SREBF2: variants seen among roughly 807,000 people sequenced by gnomAD.
The protein encoded by SREBF2 is sterol regulatory element binding transcription factor 2, also known as sterol regulatory element-binding protein 2.
SREBF2 carries 55 observed loss-of-function variants against 113.1 expected under a neutral mutation model. The observed-to-expected ratio is 0.49, with a 90% confidence interval of 0.39 to 0.61. The LOEUF is 0.61. SREBF2 is among the 20% of genes least tolerant of loss of function. The pLI is 0.00. For missense variants in SREBF2, 1,349 were observed against 1,487.4 expected, an observed-to-expected ratio of 0.91 and a Z score of 1.53; for synonymous variants, 593 against 605.7, an observed-to-expected ratio of 0.98 and a Z score of 0.31.
rs1266996487 is a variant in SREBF2 at position 41,906,813 on chromosome 22, T to C, written c.*1153T>C. On this transcript the variant is annotated 3_prime_UTR_variant, in exon 19 of 19. Transcript: ENST00000361204. The stretch of plus-strand genomic sequence containing the variant: ...TTTTCAGAGTGGGCAGAGGGTTGCC[T>C]ATGGTGGGCACTAGGAATGAGGTCC... 4 of 152,278 alleles carry C rather than the reference T, an allele frequency of 2.6e-5. No homozygotes were observed. Among genetic ancestry groups the C allele is most frequent in the East Asian group, 1.9e-4 (1 of 5,180 alleles). 9.4% of individuals were successfully genotyped at this position (152,278 alleles called of 1,614,324 possible). A position where few individuals can be genotyped will look rare whatever the true frequency, so the allele number is the denominator to read the frequency against.
chr22:41,880,157 T>G (rs1464699407), intron 9 of SREBF2, among the ~76,000 whole-genome samples: 1 of 152,224 alleles, frequency 6.6e-6, no homozygotes, highest in Non-Finnish European at 1.5e-5. Flanking sequence ...AACAAGCTCC[T>G]AAGAGCTGAT....
intron 3 of SREBF2, among the ~76,000 whole-genome samples, chr22:41,870,234 A>T (rs1168017476): frequency 5.3e-5 from 8 of 152,088 alleles, no homozygotes; most frequent in Admixed American, 4.6e-4. Context: ...GGCTTTCCTG[A>T]GTCTTTTCTC....
intron 1 of SREBF2, among the ~76,000 whole-genome samples, chr22:41,859,746 C>T (rs929952783): frequency 6.7e-6 from 1 of 149,256 alleles, no homozygotes; most frequent in Non-Finnish European, 1.5e-5. Flanking sequence ...AGAAAAACTG[C>T]AGCTGAAAGA....
chr22:41,900,291 C>G, intron 15 of SREBF2, 39 bp from the exon 16 acceptor site: 1 of 1,604,238 alleles, frequency 6.2e-7, no homozygotes, highest in Non-Finnish European at 8.5e-7. Context: ...GCAGGTGACA[C>G]ATAGTGACCT....
In SREBF2 at chr22:41,862,578, T is replaced by TG. The variant is rs527315691; in HGVS notation, c.89-4251dup. The stretch of plus-strand genomic sequence containing the variant: ...CTTTTCTGAGTTTCATGGCTCTCTG[T>TG]GGAAATGACAGCCTGTGTAATCACA... On this transcript the variant is annotated intron_variant, in intron 1 of 18. Coordinates refer to ENST00000361204, the MANE Select transcript of SREBF2 (RefSeq NM_004599.4). Among the ~76,000 whole-genome samples the TG allele has an allele frequency of 2.3e-3, 344 of 152,204 alleles. 1 individual carries two copies. Among genetic ancestry groups the TG allele is most frequent in the Non-Finnish European group, 3.7e-3 (249 of 68,002 alleles).
At chr22:41,878,221 A>G in intron 9 of SREBF2, 98 bp downstream of exon 9, 1 of 1,505,182 alleles carries the variant, frequency 6.6e-7, no homozygotes, top group Non-Finnish European at 9.0e-7. Flanking sequence ...GCTTGTGGTG[A>G]GAGGAAAAAG....
rs1002678897 is a variant in SREBF2 at position 41,899,664 on chromosome 22, G to A, written c.2739-666G>A. The A allele has an allele frequency of 1.8e-5, 13 of 732,158 alleles. No homozygotes were observed. The East Asian group carries it at 3.8e-4, about 21-fold the overall frequency. 45.4% of individuals were successfully genotyped at this position (732,158 alleles called of 1,614,324 possible). On this transcript the variant is annotated intron_variant, in intron 15 of 18. Coordinates refer to ENST00000361204, the MANE Select transcript of SREBF2 (RefSeq NM_004599.4). ...CTCTGACTAGGTAAGCACCCAGCCC[G>A]GTATAGCATTCCACCTGTATGTGTG... is the stretch of plus-strand genomic sequence containing the variant.
intron 4 of SREBF2, among the ~76,000 whole-genome samples, chr22:41,872,609 G>T (rs772697747): frequency 3.3e-5 from 5 of 152,052 alleles, no homozygotes; most frequent in Non-Finnish European, 7.4e-5. Flanking sequence ...ACTAAAATTG[G>T]TCCAGGCCCA....
At chr22:41,899,678 C>G (rs1252618056) in intron 15 of SREBF2, 3 of 654,222 alleles carry the variant, frequency 4.6e-6, no homozygotes, top group Non-Finnish European at 3.8e-6. Flanking sequence ...TAGCATTCCA[C>G]CTGTATGTGT....
intron 17 of SREBF2, 173 bp from the exon 18 acceptor site, chr22:41,904,690 G>C (rs764572432): frequency 8.6e-5 from 62 of 717,340 alleles, no homozygotes; most frequent in African/African-American, 1.7e-4. Context: ...TTCCTGCCTG[G>C]CTCAGGGTCA....
At chr22:41,842,285 T>C (rs1161859603) in intron 1 of SREBF2, among the ~76,000 whole-genome samples, 1 of 152,256 alleles carries the variant, frequency 6.6e-6, no homozygotes, top group African/African-American at 2.4e-5. Flanking sequence ...TGCTTCAAAA[T>C]GTATTTGTTA....
rs764696788 is a variant in SREBF2, at chr22:41,875,678, A to G, written c.1340A>G (p.Tyr447Cys). Residue 447 changes from tyrosine (Y) to cysteine (C), a missense_variant, in exon 7 of 19, where the codon TAC becomes TGC. By Grantham distance (194) the Tyr-to-Cys change is radical. Transcript: ENST00000361204. ...DSGSQAGFSP[Y>C]SIDSEPGSPL... ...GGGTCCCAGGCTGGCTTCTCTCCCT[A>G]CTCCATTGACTCTGAGCCAGGAAGC... 1.5e-5 allele frequency: 24 copies of G among 1,613,524 alleles called. No homozygotes were observed. Among genetic ancestry groups the G allele is most frequent in the Non-Finnish European group, 1.9e-5 (23 of 1,179,920 alleles).
rs982566486 is a variant in SREBF2, at chr22:41,903,147, T to C, written c.3085T>C (p.Tyr1029His). The C allele has an allele frequency of 9.0e-6, 14 of 1,552,152 alleles. No homozygotes were observed. Among genetic ancestry groups the C allele is most frequent in the Non-Finnish European group, 1.2e-5 (14 of 1,148,118 alleles). ...GCTGGCACACAGCTTCCGCCCAGCA[T>C]ACCGCAAGGTGAGGCCCAGCTGGCT... ...RRLAHSFRPA[Y>H]RKVFLHEATV... The change falls in exon 17 of 19, where the codon TAC (tyrosine) becomes CAC (histidine). Residue 1029 changes from tyrosine to histidine, a missense_variant. This residue lies in a region of SREBF2 where 650 missense variants were observed against 644.1 expected (regional missense o/e 1.01). Coordinates refer to ENST00000361204, the MANE Select transcript of SREBF2 (RefSeq NM_004599.4).
Position 41,833,276 on chromosome 22 carries a change from C to A in SREBF2, c.6C>A (p.Asp2Glu). Reference sequence around the variant, plus strand: ...CTTCTGCGCTGAGCCGGGCGATGGACGACAGCGGCGAGCTGGGTGGTCTGG... The same window carrying A: ...CTTCTGCGCTGAGCCGGGCGATGGAAGACAGCGGCGAGCTGGGTGGTCTGG... The part of the protein sequence containing the change: M[D>E]DSGELGGLET... Residue 2 changes from aspartate (D) to glutamate (E), a missense_variant, in exon 1 of 19, where the codon GAC becomes GAA. Around this residue, in one of 2 missense-constraint regions of SREBF2, gnomAD observed 699 missense variants for 843.3 expected, o/e 0.83. Transcript: ENST00000361204. The surrounding 1 kb of genome is among the most constrained non-coding windows in gnomAD (Gnocchi z 4.1). The A allele has an allele frequency of 1.3e-6, 2 of 1,525,968 alleles. No individual in the cohort carries two copies. The highest frequency in any genetic ancestry group is 2.6e-5 in the East Asian group (1 of 38,066). 94.5% of individuals were successfully genotyped at this position (1,525,968 alleles called of 1,614,324 possible). A position where few individuals can be genotyped will look rare whatever the true frequency, so the allele number is the denominator to read the frequency against.
intron 17 of SREBF2, chr22:41,904,606 T>G: frequency 1.5e-6 from 1 of 662,924 alleles, no homozygotes. Context: ...TCCAGGGCTT[T>G]CTTGTCACCA....
At chr22:41,839,471 A>T (rs2076807718) in intron 1 of SREBF2, among the ~76,000 whole-genome samples, 1 of 152,136 alleles carries the variant, frequency 6.6e-6, no homozygotes, top group Admixed American at 6.5e-5. Flanking sequence ...CCATGCAAGG[A>T]GTCGTGGGAC....
At chr22:41,840,160 A>G (rs545795433) in intron 1 of SREBF2, among the ~76,000 whole-genome samples, 2 of 152,110 alleles carry the variant, frequency 1.3e-5, no homozygotes, top group Non-Finnish European at 1.5e-5. Context: ...GGGTTTCACC[A>G]TCTTGGCCAG....
chr22:41,902,099 T>C (rs1368644625), intron 16 of SREBF2, among the ~76,000 whole-genome samples: 3 of 152,164 alleles, frequency 2.0e-5, no homozygotes, highest in Non-Finnish European at 4.4e-5. Flanking sequence ...CAGGGCAGGG[T>C]CTTCCTCAGG....
intron 5 of SREBF2, among the ~76,000 whole-genome samples, chr22:41,874,456 C>CA (rs1231298710): frequency 6.6e-6 from 1 of 152,144 alleles, no homozygotes; most frequent in Non-Finnish European, 1.5e-5. Context: ...ACTGATGTTC[C>CA]AAATGTTTCT....
Sources: allele counts gnomAD v4.1 joint callset (sites outside exome capture counted in the v4.1 genomes callset), GRCh38; gene constraint gnomAD v4.1.1; regional missense constraint gnomAD v4.1.1; non-coding constraint Gnocchi (gnomAD v3.1); transcripts MANE v1.5; gene names NCBI Gene and HGNC (gene_info 2026-07-23, HGNC 2026-07-21).